FTO: variants seen among roughly 807,000 people sequenced by gnomAD.
The protein encoded by FTO is alpha-ketoglutarate-dependent dioxygenase FTO.
FTO carries 47 observed loss-of-function variants against 63.9 expected under a neutral mutation model. The ratio of observed to expected loss-of-function variants is 0.74; its 90% CI spans 0.58 to 0.94. FTO has a LOEUF of 0.94. FTO is among the 40% of genes least tolerant of loss of function. The pLI, the probability that FTO is intolerant of heterozygous loss-of-function variation, is 0.00. For synonymous variants in FTO, 207 were observed against 224.4 expected, an observed-to-expected ratio of 0.92 and a Z score of 0.69; for missense variants, 562 against 618.1, an observed-to-expected ratio of 0.91 and a Z score of 0.96.
At chr16:53,895,455 ACCGTCTGATAGTG>A (rs1374132266) in intron 7 of FTO, among the ~76,000 whole-genome samples, 2 of 152,186 alleles carry the variant, frequency 1.3e-5, no homozygotes, top group Non-Finnish European at 2.9e-5. Flanking sequence ...AATTTTAGAA[ACCGTCTGATAGTG>A]TTCAGGGTAA....
At chr16:53,787,540 T>TA (rs886100821) in intron 1 of FTO, among the ~76,000 whole-genome samples, 1 of 151,456 alleles carries the variant, frequency 6.6e-6, no homozygotes, top group African/African-American at 2.4e-5. Flanking sequence ...AAGCAAAAAT[T>TA]AAAAAAAAAT....
rs1288170601 is a variant in FTO, at chr16:54,117,287, G to A, written c.*5372G>A. On this transcript the variant is annotated 3_prime_UTR_variant, in exon 9 of 9. Transcript: ENST00000471389. ...CTCCCACAGTACCTGACATATACTG[G>A]GCTTCAGTGAGGTACTAGCTATTAT... 1 of 152,068 alleles carries A rather than the reference G, an allele frequency of 6.6e-6. No homozygotes were observed. The highest frequency in any genetic ancestry group is 2.4e-5 in the African/African-American group (1 of 41,388). 9.4% of individuals were successfully genotyped at this position (152,068 alleles called of 1,614,324 possible).
At chr16:54,048,686 A>C (rs1172833027) in intron 8 of FTO, among the ~76,000 whole-genome samples, 1 of 152,202 alleles carries the variant, frequency 6.6e-6, no homozygotes, top group African/African-American at 2.4e-5. Context: ...CTGATAGATT[A>C]AACATGAGCC....
intron 7 of FTO, among the ~76,000 whole-genome samples, chr16:53,896,422 T>C (rs193244024): frequency 7.6e-4 from 116 of 152,148 alleles, no homozygotes; most frequent in Non-Finnish European, 1.4e-3. Flanking sequence ...AATCTCAGTC[T>C]AGAAGAATGA....
At chr16:53,781,891 G>T (rs1029689456) in intron 1 of FTO, among the ~76,000 whole-genome samples, 1 of 152,174 alleles carries the variant, frequency 6.6e-6, no homozygotes, top group Middle Eastern at 3.2e-3. Flanking sequence ...GATTTCTGCT[G>T]TGCTACTTCT....
intron 4 of FTO, among the ~76,000 whole-genome samples, chr16:53,867,349 T>C (rs1253221127): frequency 6.6e-6 from 1 of 152,094 alleles, no homozygotes; most frequent in Non-Finnish European, 1.5e-5. Flanking sequence ...GAAACTCAGA[T>C]CTACATAAAG....
intron 4 of FTO, among the ~76,000 whole-genome samples, chr16:53,865,431 A>C (rs1335465968): frequency 2.0e-5 from 3 of 152,146 alleles, no homozygotes; most frequent in Non-Finnish European, 4.4e-5. Context: ...TAAAACTCCA[A>C]ATGTATCACT....
At chr16:54,033,420 C>T (rs1216230357) in intron 8 of FTO, among the ~76,000 whole-genome samples, 1 of 152,160 alleles carries the variant, frequency 6.6e-6, no homozygotes, top group Non-Finnish European at 1.5e-5. Context: ...AAAATAAAAA[C>T]ACTGTACCTT....
At position 53,827,483 on chromosome 16, in the gene FTO, A is replaced by T. The variant is rs1007332312; in HGVS notation, c.751+992A>T. On this transcript the variant is annotated intron_variant, in intron 3 of 8. Transcript: ENST00000471389. ...CTTTCCAGGGTCATTATTTTCTGAC[A>T]ACTCTAGTTATTTGATTGGATTTTT... Among the ~76,000 whole-genome samples the T allele has an allele frequency of 3.0e-4, 46 of 152,176 alleles. 1 individual carries two copies. The highest frequency in any genetic ancestry group is 1.1e-3 in the African/African-American group (46 of 41,452).
At chr16:53,976,754 T>TA (rs2083445650) in intron 8 of FTO, among the ~76,000 whole-genome samples, 1 of 152,150 alleles carries the variant, frequency 6.6e-6, no homozygotes, top group Admixed American at 6.5e-5. Context: ...AAATGAGTTT[T>TA]AAAATTTTCT....
rs1174647966 is a variant in FTO at position 53,873,818 on chromosome 16, T to C, written c.928T>C (p.Leu310=). 1.2e-6 allele frequency: 2 copies of C among 1,613,260 alleles called. No homozygotes were observed. Among genetic ancestry groups the C allele is most frequent in the East Asian group, 2.2e-5 (1 of 44,858 alleles). ...DLNATHQHCV[L]AGSQPRFSST... is the part of the protein sequence containing the mutation. ...CAATGCCACCCACCAACACTGTGTTTTGGCCGGTTCACAACCTCGGTTTAG... is the reference window on the plus strand; with the variant it reads ...CAATGCCACCCACCAACACTGTGTTCTGGCCGGTTCACAACCTCGGTTTAG... The change falls in exon 5 of 9, where the codon TTG becomes CTG. Residue 310 remains leucine (L), a synonymous_variant. Transcript: ENST00000471389.
At chr16:53,945,428 C>T (rs11862232) in intron 8 of FTO, among the ~76,000 whole-genome samples, 10,512 of 152,266 alleles carry the variant, frequency 0.069, 915 homozygotes, top group African/African-American at 0.21. Context: ...TAAGCCAAGA[C>T]GGCCCAGGTT....
intron 8 of FTO, among the ~76,000 whole-genome samples, chr16:54,020,697 T>C (rs2084572971): frequency 6.6e-6 from 1 of 152,062 alleles, no homozygotes; most frequent in Admixed American, 6.6e-5. Context: ...GTTGGTTGAG[T>C]GTGGTGGCTC....
intron 8 of FTO, among the ~76,000 whole-genome samples, chr16:54,021,592 C>A (rs899428466): frequency 6.6e-6 from 1 of 152,168 alleles, no homozygotes; most frequent in Non-Finnish European, 1.5e-5. Context: ...TGGGTTCAAG[C>A]AATTCTCCTG....
chr16:53,778,858 ATT>A (rs71863246), intron 1 of FTO, among the ~76,000 whole-genome samples: 5,082 of 144,096 alleles, frequency 0.035, 105 homozygotes, highest in South Asian at 0.079. Flanking sequence ...GTGATTGTGG[ATT>A]TTTTTTTTTT....
In FTO at chr16:54,112,271, T is replaced by C. The variant is rs2086908382; in HGVS notation, c.*356T>C. ...CCAAGCTTTTTCAGAGACTCTGGAG[T>C]GGACCCAGCCCTCTGGGGAAAGACA... On this transcript the variant is annotated 3_prime_UTR_variant, in exon 9 of 9. Transcript: ENST00000471389. The C allele has an allele frequency of 2.9e-6, 1 of 345,110 alleles. No individual in the cohort carries two copies. The highest frequency in any genetic ancestry group is 2.1e-5 in the African/African-American group (1 of 46,904). 21.4% of individuals were successfully genotyped at this position (345,110 alleles called of 1,614,324 possible). A position where few individuals can be genotyped will look rare whatever the true frequency, so the allele number is the denominator to read the frequency against.
chr16:53,807,816 A>G (rs2078411632), intron 1 of FTO, among the ~76,000 whole-genome samples: 1 of 152,214 alleles, frequency 6.6e-6, no homozygotes, highest in Admixed American at 6.5e-5. Context: ...ATTGAGGTAT[A>G]GATTTTGATT....
chr16:53,829,541 T>C (rs555473128), intron 3 of FTO, among the ~76,000 whole-genome samples: 1 of 152,376 alleles, frequency 6.6e-6, no homozygotes, highest in South Asian at 2.1e-4. Context: ...CTTGGCAGAA[T>C]GCCAGAACTA....
intron 7 of FTO, among the ~76,000 whole-genome samples, chr16:53,895,768 C>T (rs933668841): frequency 2.6e-5 from 4 of 152,272 alleles, no homozygotes; most frequent in Admixed American, 1.3e-4. Flanking sequence ...TTAAGAGGAT[C>T]GTTCCTAGTG....
Sources: allele counts gnomAD v4.1 joint callset (sites outside exome capture counted in the v4.1 genomes callset), GRCh38; gene constraint gnomAD v4.1.1; transcripts MANE v1.5; gene names NCBI Gene and HGNC (gene_info 2026-07-23, HGNC 2026-07-21).